IRF2: variants seen among roughly 807,000 people sequenced by gnomAD.
IRF2 encodes the protein interferon regulatory factor 2.
Under a neutral mutation model 40.6 loss-of-function variants are expected in IRF2, and 15 were observed. That is an observed-to-expected ratio of 0.37 (90% CI 0.25 to 0.57). The LOEUF is 0.57. Among genes scored for constraint, IRF2 ranks in the 20% least tolerant of loss-of-function variants. The pLI is 0.77. For missense variants in IRF2, 317 were observed against 455.7 expected (o/e 0.70, Z 2.77); for synonymous variants, 151 against 165.5 (o/e 0.91, Z 0.67).
chr4:184,405,421 C>T (rs1337231947), intron 6 of IRF2, among the ~76,000 whole-genome samples: 2 of 152,160 alleles, frequency 1.3e-5, no homozygotes, highest in Non-Finnish European at 2.9e-5. Flanking sequence ...GCTGCTCCAC[C>T]ATAAGGAGAC....
chr4:184,429,154 C>T, intron 1 of IRF2, 84 bp from the exon 2 acceptor site: 2 of 802,494 alleles, frequency 2.5e-6, no homozygotes, highest in Non-Finnish European at 4.0e-6. Context: ...CCGCCTGACT[C>T]TTTCCTTCTC....
intron 7 of IRF2, among the ~76,000 whole-genome samples, chr4:184,394,722 C>A (rs1736384677): frequency 6.6e-6 from 1 of 152,162 alleles, no homozygotes; most frequent in South Asian, 2.1e-4. Flanking sequence ...TCCTCCCCCA[C>A]CCCATTATTC....
At chr4:184,397,552 A>C (rs1736514190) in intron 7 of IRF2, among the ~76,000 whole-genome samples, 1 of 152,094 alleles carries the variant, frequency 6.6e-6, no homozygotes, top group South Asian at 2.1e-4. Flanking sequence ...GAAAGTTGGC[A>C]TTCAGGGAAA....
intron 1 of IRF2, among the ~76,000 whole-genome samples, chr4:184,465,131 C>A (rs2149918858): frequency 6.6e-6 from 1 of 152,258 alleles, no homozygotes; most frequent in South Asian, 2.1e-4. Flanking sequence ...ATATCTCAAG[C>A]CCTTCACAGT....
intron 1 of IRF2, among the ~76,000 whole-genome samples, chr4:184,473,528 C>G (rs996499226): frequency 1.4e-5 from 2 of 147,828 alleles, no homozygotes; most frequent in Non-Finnish European, 3.0e-5. Flanking sequence ...AGGGCCCGAC[C>G]GGGCGCTGGC....
chr4:184,427,304 T>C (rs1687612620), intron 2 of IRF2, among the ~76,000 whole-genome samples: 1 of 152,238 alleles, frequency 6.6e-6, no homozygotes, highest in Non-Finnish European at 1.5e-5. Context: ...TCTATTTACT[T>C]AGTGCCTCAC....
intron 1 of IRF2, among the ~76,000 whole-genome samples, chr4:184,470,890 C>T (rs1026298847): frequency 2.0e-5 from 3 of 152,088 alleles, no homozygotes; most frequent in Admixed American, 6.5e-5. Context: ...CTGTTATTTC[C>T]ATATCATTTG....
chr4:184,398,873 G>A (rs560034190), intron 7 of IRF2, 42 bp downstream of exon 7: 112 of 1,543,396 alleles, frequency 7.3e-5, no homozygotes, highest in Non-Finnish European at 8.5e-5. Context: ...AGGACTGCGC[G>A]GCCGGTTCCC....
intron 1 of IRF2, among the ~76,000 whole-genome samples, chr4:184,470,206 A>G (rs1037911595): frequency 4.6e-5 from 7 of 152,240 alleles, no homozygotes; most frequent in African/African-American, 1.7e-4. Context: ...ACAGATGAAA[A>G]GAAGAACTAA....
intron 1 of IRF2, among the ~76,000 whole-genome samples, chr4:184,473,574 G>C (rs1013200411): frequency 1.4e-5 from 2 of 147,546 alleles, no homozygotes; most frequent in African/African-American, 4.9e-5. Context: ...CTTCTGAGCG[G>C]CGGCGGCGGC....
At chr4:184,428,919 G>A (rs780917610) in intron 2 of IRF2, 59 bp downstream of exon 2, 8 of 1,325,374 alleles carry the variant, frequency 6.0e-6, no homozygotes, top group Admixed American at 3.4e-5. Context: ...TCAGCAGTCC[G>A]CATGGGCGTG....
intron 3 of IRF2, among the ~76,000 whole-genome samples, chr4:184,418,940 A>T (rs1737379268): frequency 6.6e-6 from 1 of 152,206 alleles, no homozygotes; most frequent in African/African-American, 2.4e-5. Context: ...CAAGTTGGTC[A>T]CCCTGGTTCT....
intron 2 of IRF2, among the ~76,000 whole-genome samples, chr4:184,425,077 C>T (rs1737619867): frequency 6.6e-6 from 1 of 152,214 alleles, no homozygotes; most frequent in Non-Finnish European, 1.5e-5. Flanking sequence ...GCCTGGAGCA[C>T]TTCACAATAA....
chr4:184,402,799 G>A (rs1316567035), intron 6 of IRF2, among the ~76,000 whole-genome samples: 1 of 152,210 alleles, frequency 6.6e-6, no homozygotes, highest in African/African-American at 2.4e-5. Flanking sequence ...CTGGGGCCAG[G>A]GAGGAAACGT....
intron 5 of IRF2, among the ~76,000 whole-genome samples, chr4:184,409,183 G>A (rs1430639923): frequency 6.6e-6 from 1 of 152,158 alleles, no homozygotes; most frequent in African/African-American, 2.4e-5. Flanking sequence ...AGGGTAGAGA[G>A]CAGAAGGAAC....
intron 5 of IRF2, among the ~76,000 whole-genome samples, chr4:184,414,276 A>G (rs544317553): frequency 2.0e-5 from 3 of 152,360 alleles, no homozygotes; most frequent in Non-Finnish European, 4.4e-5. Context: ...AAACCGTTCC[A>G]TGATATTTTC....
chr4:184,462,143 T>C (rs1739170672), intron 1 of IRF2, among the ~76,000 whole-genome samples: 2 of 152,240 alleles, frequency 1.3e-5, no homozygotes, highest in African/African-American at 2.4e-5. Context: ...TTTGCTGTTC[T>C]TCTGTCAGTT....
In IRF2 at chr4:184,398,930, CG is replaced by C; in HGVS notation, c.678del (p.Val227CysfsTer91). The C allele has an allele frequency of 6.2e-7, 1 of 1,607,238 alleles. No individual in the cohort carries two copies. On this transcript the variant is annotated frameshift_variant, in exon 7 of 9. Coordinates refer to ENST00000393593, the MANE Select transcript of IRF2 (RefSeq NM_002199.4). LOFTEE classifies it high-confidence loss of function. Reference protein sequence around the residue: ...MSELYPLQISPVSSYAESETT... With the variant: ...MSELYPLQISXVSSYAESETT... ...TGACGCTTACCTGCATAGGAAGACA[CG>C]GGGGAGATCTGCAGAGGGTAGAGCT...
At chr4:184,471,878 A>C (rs1286174062) in intron 1 of IRF2, 2 of 152,250 alleles carry the variant, frequency 1.3e-5, no homozygotes, top group Non-Finnish European at 2.9e-5. Context: ...AGGTAAGTAA[A>C]TCTGAAATAA....
Sources: gnomAD v4.1 joint callset for allele counts (sites outside exome capture counted in the v4.1 genomes callset) on GRCh38, gnomAD v4.1.1 for gene constraint, MANE v1.5 for transcripts, NCBI Gene and HGNC (gene_info 2026-07-23, HGNC 2026-07-21) for gene names.